The following XKR9 variants were observed in gnomAD, a reference collection of about 807,000 sequenced individuals.
The protein encoded by XKR9 is XK-related protein 9.
Under a neutral mutation model 32.0 loss-of-function variants are expected in XKR9, and 32 were observed. That is an observed-to-expected ratio of 1.00 (90% CI 0.76 to 1.34). The LOEUF (loss-of-function observed/expected upper bound fraction) is 1.34. XKR9 is among the 40% of genes most tolerant of loss of function. XKR9 has a pLI of 0.00. For synonymous variants in XKR9, 168 were observed against 143.4 expected (o/e 1.17, Z -1.22); for missense variants, 546 against 429.7 (o/e 1.27, Z -2.39).
the XKR9 span, among the ~76,000 whole-genome samples, chr8:70,968,725 A>G: frequency 1.3e-5 from 2 of 151,782 alleles, no homozygotes; most frequent in East Asian, 3.9e-4. Flanking sequence ...CTGGGGGTCC[A>G]CTCCAGACCT....
chr8:71,050,264 TAG>T, the XKR9 span, among the ~76,000 whole-genome samples: 607 of 95,372 alleles, frequency 6.4e-3, 11 homozygotes, highest in African/African-American at 0.028. Context: ...TATATATAGA[TAG>T]ATAGATAGAT....
At chr8:70,740,568 GCT>G (rs1246730393), downstream of XKR9, among the ~76,000 whole-genome samples, 19 of 125,246 alleles carry the variant, frequency 1.5e-4, no homozygotes, top group Middle Eastern at 4.2e-3. Context: ...CAGTTTTTCT[GCT>G]CTGTTTTTTT....
chr8:71,052,781 C>A, the XKR9 span, among the ~76,000 whole-genome samples: 13 of 152,220 alleles, frequency 8.5e-5, no homozygotes, highest in Non-Finnish European at 1.6e-4. Context: ...CCGCAGATTG[C>A]GCACTGTGAT....
intron 2 of XKR9, among the ~76,000 whole-genome samples, chr8:70,771,285 G>C (rs556449634): frequency 1.3e-5 from 2 of 152,292 alleles, no homozygotes; most frequent in African/African-American, 4.8e-5. Flanking sequence ...TGGTACCTCA[G>C]TTGGAAATGC....
At chr8:71,056,863 A>T in the XKR9 span, among the ~76,000 whole-genome samples, 1 of 152,210 alleles carries the variant, frequency 6.6e-6, no homozygotes, top group African/African-American at 2.4e-5. Flanking sequence ...GGGAAATGAG[A>T]TGGGGAAATT....
chr8:70,988,296 A>T, the XKR9 span, among the ~76,000 whole-genome samples: 1 of 151,636 alleles, frequency 6.6e-6, no homozygotes, highest in Non-Finnish European at 1.5e-5. Flanking sequence ...CCTATCTAGA[A>T]TATCCAGAAA....
At chr8:70,703,111 A>G (rs1805596440) in intron 3 of XKR9, among the ~76,000 whole-genome samples, 1 of 151,238 alleles carries the variant, frequency 6.6e-6, no homozygotes, top group South Asian at 2.1e-4. Flanking sequence ...TTGAGTCTGT[A>G]TGTTACTGGT....
the XKR9 span, among the ~76,000 whole-genome samples, chr8:71,039,511 A>G: frequency 6.6e-6 from 1 of 152,216 alleles, no homozygotes; most frequent in Non-Finnish European, 1.5e-5. Flanking sequence ...ATGAATATGC[A>G]TTACTTTCGC....
At chr8:70,933,604 C>G in the XKR9 span, among the ~76,000 whole-genome samples, 12 of 151,968 alleles carry the variant, frequency 7.9e-5, no homozygotes, top group Non-Finnish European at 1.8e-4. Context: ...CATTCCTCTG[C>G]TTTTCCTTTT....
the XKR9 span, among the ~76,000 whole-genome samples, chr8:71,032,305 A>T: frequency 0.42 from 58,499 of 140,728 alleles, 13,482 homozygotes; most frequent in Non-Finnish European, 0.51. Context: ...AAAAAAAAAA[A>T]AAACCACTTT....
chr8:70,912,576 G>C, the XKR9 span, among the ~76,000 whole-genome samples: 123 of 152,240 alleles, frequency 8.1e-4, no homozygotes, highest in African/African-American at 2.9e-3. Context: ...GAGGAATTAA[G>C]TTTTTGACAT....
the XKR9 span, among the ~76,000 whole-genome samples, chr8:71,040,259 G>T: frequency 6.6e-6 from 1 of 152,164 alleles, no homozygotes; most frequent in Admixed American, 6.5e-5. Context: ...GAGGGAGAGA[G>T]AAGAAGGGGA....
At chr8:70,908,428 A>G in the XKR9 span, among the ~76,000 whole-genome samples, 1 of 152,226 alleles carries the variant, frequency 6.6e-6, no homozygotes, top group East Asian at 1.9e-4. Context: ...GAAGCTCACC[A>G]GGGAGTTTTT....
At chr8:70,904,038 A>T in the XKR9 span, among the ~76,000 whole-genome samples, 6 of 152,092 alleles carry the variant, frequency 3.9e-5, no homozygotes, top group Admixed American at 6.6e-5. Context: ...TTTACTTCCA[A>T]CTATGTCGTC....
the XKR9 span, among the ~76,000 whole-genome samples, chr8:70,808,231 G>A: frequency 6.6e-6 from 1 of 152,082 alleles, no homozygotes; most frequent in Non-Finnish European, 1.5e-5. Context: ...AGAAGAAAGG[G>A]ACAATGTACC....
the XKR9 span, among the ~76,000 whole-genome samples, chr8:70,894,007 T>C: frequency 6.6e-6 from 1 of 150,378 alleles, no homozygotes; most frequent in Non-Finnish European, 1.5e-5. Flanking sequence ...GCCCAGGGAG[T>C]TGGTTGTAGC....
chr8:70,850,455 C>T, the XKR9 span, among the ~76,000 whole-genome samples: 5 of 117,888 alleles, frequency 4.2e-5, no homozygotes, highest in Non-Finnish European at 8.6e-5. Flanking sequence ...CACAGCAAGA[C>T]TCCTTCTCAA....
chr8:70,706,604 ACT>A (rs1355266844), intron 3 of XKR9, among the ~76,000 whole-genome samples: 1 of 151,988 alleles, frequency 6.6e-6, no homozygotes, highest in African/African-American at 2.4e-5. Flanking sequence ...TCAGCACATC[ACT>A]CTATCTTTCT....
At chr8:70,763,779 G>A (rs1318721672) in intron 2 of XKR9, among the ~76,000 whole-genome samples, 1 of 152,168 alleles carries the variant, frequency 6.6e-6, no homozygotes, top group Non-Finnish European at 1.5e-5. Context: ...TTATTCAAAT[G>A]TACTGGTGGA....
Sources: gnomAD v4.1 joint callset for allele counts (sites outside exome capture counted in the v4.1 genomes callset) on GRCh38, gnomAD v4.1.1 for gene constraint, MANE v1.5 for transcripts, NCBI Gene and HGNC (gene_info 2026-07-23, HGNC 2026-07-21) for gene names.